The following ANKMY2 variants were observed in gnomAD, a reference collection of about 807,000 sequenced individuals.
ANKMY2 encodes ankyrin repeat and MYND domain containing 2, also known as ankyrin repeat and MYND domain-containing protein 2.
ANKMY2 carries 36 observed loss-of-function variants against 50.4 expected under a neutral mutation model. The observed-to-expected ratio is 0.71, with a 90% CI of 0.55 to 0.94. The LOEUF (loss-of-function observed/expected upper bound fraction) is 0.94. Among genes scored for constraint, ANKMY2 ranks in the 40% least tolerant of loss-of-function variants. The pLI is 0.00. For missense variants in ANKMY2, 565 were observed against 524.0 expected, an observed-to-expected ratio of 1.08 and a Z score of -0.76; for synonymous variants, 187 against 178.8, an observed-to-expected ratio of 1.05 and a Z score of -0.36.
At position 16,625,754 on chromosome 7, in the gene ANKMY2, A is replaced by C. The variant is rs191115738; in HGVS notation, c.272-673T>G. On this transcript the variant is annotated intron_variant, in intron 3 of 9. Coordinates refer to ENST00000306999, the MANE Select transcript of ANKMY2 (RefSeq NM_020319.3). ...GCTGCCATCCAGCAAGGTTGGACTG[A>C]CATGCACTCCCCCAAATAGTGTAAA... is the stretch of plus-strand genomic sequence containing the variant. Among the ~76,000 whole-genome samples, 588 of 152,304 alleles carry C rather than the reference A, an allele frequency of 3.9e-3. 3 individuals carry two copies. The highest frequency in any genetic ancestry group is 5.8e-3 in the Non-Finnish European group (397 of 68,034).
Position 16,604,738 on chromosome 7 carries a change from A to C in ANKMY2, c.994T>G (p.Cys332Gly). 6.2e-7 allele frequency: 1 copy of C among 1,613,906 alleles called. No individual in the cohort carries two copies. Among genetic ancestry groups the C allele is most frequent in the Non-Finnish European group, 8.5e-7 (1 of 1,179,846 alleles). Residue 332 changes from cysteine to glycine, a missense_variant, in exon 8 of 10, where the codon TGT becomes GGT. Physicochemically the swap from Cys to Gly is radical, Grantham distance 159. Coordinates refer to ENST00000306999, the MANE Select transcript of ANKMY2 (RefSeq NM_020319.3). ...ATTCTTACCATTTTGCAAACTGAAC[A>C]TCTTTTACTTGCTCCCTTTTCTCCA... is the stretch of plus-strand genomic sequence containing the variant. ...TCGEKGASKRCSVCKMVIYCD... is the reference protein window; with the variant it reads ...TCGEKGASKRGSVCKMVIYCD...
In ANKMY2 at chr7:16,618,503, T is replaced by C. The variant is rs151104201; in HGVS notation, c.371-2599A>G. ...TCCCTGATTTGAAAAGAGAATTTAATAGTGATCACAATACCATTTTTGGTA... is the reference window on the plus strand; with the variant it reads ...TCCCTGATTTGAAAAGAGAATTTAACAGTGATCACAATACCATTTTTGGTA... On this transcript the variant is annotated intron_variant, in intron 4 of 9. Transcript: ENST00000306999. Among the ~76,000 whole-genome samples the C allele has an allele frequency of 2.0e-5, 3 of 152,290 alleles. No homozygotes were observed. The East Asian group carries it at 5.8e-4, about 29-fold the overall frequency.
At chr7:16,640,018 T>C (rs967634138) in intron 1 of ANKMY2, among the ~76,000 whole-genome samples, 5 of 151,340 alleles carry the variant, frequency 3.3e-5, no homozygotes, top group African/African-American at 9.7e-5. Context: ...ATACAAAAAT[T>C]AGCCAGGTGT....
intron 2 of ANKMY2, among the ~76,000 whole-genome samples, chr7:16,634,209 T>G (rs1002147257): frequency 1.3e-5 from 2 of 152,190 alleles, no homozygotes; most frequent in African/African-American, 4.8e-5. Flanking sequence ...AAACCGGTAC[T>G]TCTAGCCAAG....
chr7:16,625,066 G>C lies in ANKMY2; in HGVS notation c.287C>G (p.Thr96Arg). ...AGCACCAGCTTCTAACATTACCCATGTGATGTCTTTATTACCTAGAGTTTT... is the reference window on the plus strand; with the variant it reads ...AGCACCAGCTTCTAACATTACCCATCTGATGTCTTTATTACCTAGAGTTTT... ...FAALSGNKDI[T>R]WVMLEAGAET... Residue 96 changes from threonine to arginine, a missense_variant, in exon 4 of 10, where the codon ACA (threonine) becomes AGA (arginine). Physicochemically the swap from Thr to Arg is moderately conservative, Grantham distance 71. Coordinates refer to ENST00000306999, the MANE Select transcript of ANKMY2 (RefSeq NM_020319.3). 6.2e-7 allele frequency: 1 copy of C among 1,613,760 alleles called. No individual in the cohort carries two copies. The highest frequency in any genetic ancestry group is 8.5e-7 in the Non-Finnish European group (1 of 1,179,724).
In ANKMY2 at chr7:16,615,803, G is replaced by T; in HGVS notation, c.472C>A (p.Pro158Thr). Reference sequence around the variant, plus strand: ...TTGTGCAGCGGGCCTGCCAACTTTGGGGGCAGTTTTGGCTCTTTATCCAGT... The same window carrying T: ...TTGTGCAGCGGGCCTGCCAACTTTGTGGGCAGTTTTGGCTCTTTATCCAGT... ...QGLDKEPKLPPKLAGPLHKII... is the reference protein window; with the variant it reads ...QGLDKEPKLPTKLAGPLHKII... Residue 158 changes from proline to threonine, a missense_variant, in exon 5 of 10, where the codon CCA (proline) becomes ACA (threonine). Coordinates refer to ENST00000306999, the MANE Select transcript of ANKMY2 (RefSeq NM_020319.3). 1 of 1,614,204 alleles carries T rather than the reference G, an allele frequency of 6.2e-7. No individual in the cohort carries two copies. Among genetic ancestry groups the T allele is most frequent in the Non-Finnish European group, 8.5e-7 (1 of 1,180,036 alleles).
At chr7:16,605,201 T>A (rs907387702) in intron 7 of ANKMY2, among the ~76,000 whole-genome samples, 2 of 152,162 alleles carry the variant, frequency 1.3e-5, no homozygotes, top group African/African-American at 4.8e-5. Context: ...AGAACTGACA[T>A]CCAGAAAATA....
intron 9 of ANKMY2, among the ~76,000 whole-genome samples, chr7:16,602,144 ATATGAAATAAGC>A (rs1781076498): frequency 6.6e-6 from 1 of 152,194 alleles, no homozygotes; most frequent in South Asian, 2.1e-4. Context: ...AGAATGTAAA[ATATGAAATAAGC>A]TACATCCCTC....
rs1005850235 is a variant in ANKMY2 at position 16,604,744 on chromosome 7, T to A, written c.988A>T (p.Lys330Ter). The change falls in exon 8 of 10, where the codon AAA becomes TAA. Residue 330 changes from lysine (K) to a stop codon, truncating the protein, a stop_gained. Coordinates refer to ENST00000306999, the MANE Select transcript of ANKMY2 (RefSeq NM_020319.3). LOFTEE classifies it high-confidence loss of function. ...ACCATTTTGCAAACTGAACATCTTT[T>A]ACTTGCTCCCTTTTCTCCACAGGTA... is the stretch of plus-strand genomic sequence containing the variant. ...CTTCGEKGAS[K>*]RCSVCKMVIY... 1 of 1,613,938 alleles carries A rather than the reference T, an allele frequency of 6.2e-7. No homozygotes were observed. Among genetic ancestry groups the A allele is most frequent in the African/African-American group, 1.3e-5 (1 of 74,940 alleles).
In ANKMY2 at chr7:16,600,787, C is replaced by CA. The variant is rs746234616; in HGVS notation, c.1299dup (p.Ala434CysfsTer7). 60 of 1,612,334 alleles carry CA rather than the reference C, an allele frequency of 3.7e-5. No homozygotes were observed. The highest frequency in any genetic ancestry group is 3.6e-4 in the African/African-American group (27 of 74,972). ...TACTCCTCAGACACCTGTGGCCCTG[C>CA]AGGAGCATCCTGTAAGCCTTCCAAC... On this transcript the variant is annotated frameshift_variant, in exon 10 of 10. Transcript: ENST00000306999. LOFTEE classifies it high-confidence loss of function.
intron 4 of ANKMY2, among the ~76,000 whole-genome samples, chr7:16,624,774 C>T (rs1247031032): frequency 6.6e-6 from 1 of 152,020 alleles, no homozygotes; most frequent in African/African-American, 2.4e-5. Flanking sequence ...GGCCCCACTA[C>T]TCTTTGTATT....
At chr7:16,618,204 G>C (rs1781385413) in intron 4 of ANKMY2, among the ~76,000 whole-genome samples, 1 of 152,122 alleles carries the variant, frequency 6.6e-6, no homozygotes, top group Non-Finnish European at 1.5e-5. Context: ...GGGATTACAG[G>C]CGTGAGCCAC....
At chr7:16,610,270 C>T (rs1375422373) in intron 6 of ANKMY2, among the ~76,000 whole-genome samples, 9 of 152,128 alleles carry the variant, frequency 5.9e-5, no homozygotes, top group South Asian at 2.1e-4. Flanking sequence ...CACTTTCTCG[C>T]GGTGTGATCT....
At chr7:16,615,673 G>T in intron 5 of ANKMY2, 71 bp downstream of exon 5, 1 of 1,585,932 alleles carries the variant, frequency 6.3e-7, no homozygotes, top group Non-Finnish European at 8.6e-7. Context: ...TTATGATCCT[G>T]TATAATAAAA....
rs138056522 is a variant in ANKMY2, at chr7:16,602,396, C to T, written c.1125G>A (p.Lys375=). 2.5e-6 allele frequency: 4 copies of T among 1,612,646 alleles called. No individual in the cohort carries two copies. The highest frequency in any genetic ancestry group is 3.4e-6 in the Non-Finnish European group (4 of 1,179,770). ...EKQQLEAAKE[K]RQEENHGKLD... is the part of the protein sequence containing the mutation. ...TATACATACGGTTTTCCTCTTGTCTCTTTTCTTTGGCAGCCTCCAACTGTT... is the reference window on the plus strand; with the variant it reads ...TATACATACGGTTTTCCTCTTGTCTTTTTTCTTTGGCAGCCTCCAACTGTT... Residue 375 remains lysine (K), a synonymous_variant, in exon 9 of 10, where the codon AAG becomes AAA. Transcript: ENST00000306999.
At chr7:16,627,517 T>C (rs17382785) in intron 2 of ANKMY2, among the ~76,000 whole-genome samples, 26,519 of 152,184 alleles carry the variant, frequency 0.17, 2,610 homozygotes, top group Middle Eastern at 0.26. Context: ...GATACAAACA[T>C]ATTTTTTTAA....
intron 3 of ANKMY2, among the ~76,000 whole-genome samples, chr7:16,626,330 G>T (rs114447666): frequency 2.0e-5 from 3 of 151,956 alleles, no homozygotes; most frequent in Non-Finnish European, 4.4e-5. Context: ...ATATAATACA[G>T]ATTTTTAGTT....
In ANKMY2 at chr7:16,616,113, G is replaced by GA. The variant is rs777708526; in HGVS notation, c.371-210dup. 1.2e-4 allele frequency among the ~76,000 whole-genome samples: 19 copies of GA among 152,076 alleles called. 1 individual carries two copies. The East Asian group carries it at 1.3e-3, about 11-fold the overall frequency. ...CTTGTAAAGTTGATAAACAATCTTT[G>GA]AAAGACACAGAATCCAAAATACATA... On this transcript the variant is annotated intron_variant, in intron 4 of 9. Transcript: ENST00000306999.
Position 16,624,811 on chromosome 7 carries a change from A to C in ANKMY2, c.370+172T>G, listed in dbSNP as rs572691416. 2.6e-5 allele frequency among the ~76,000 whole-genome samples: 4 copies of C among 152,322 alleles called. No homozygotes were observed. In the East Asian group the frequency reaches 7.7e-4, roughly 29 times the overall value. ...GAAAAAGTGGAAATTCGAAATAGCCATTTGTTTTCTCCAGAGTCACTAGGT... is the reference window on the plus strand; with the variant it reads ...GAAAAAGTGGAAATTCGAAATAGCCCTTTGTTTTCTCCAGAGTCACTAGGT... On this transcript the variant is annotated intron_variant, in intron 4 of 9. Transcript: ENST00000306999.
Sources: allele counts gnomAD v4.1 joint callset (sites outside exome capture counted in the v4.1 genomes callset), GRCh38; gene constraint gnomAD v4.1.1; transcripts MANE v1.5; gene names NCBI Gene and HGNC (gene_info 2026-07-23, HGNC 2026-07-21).